Variants in PCDHA1 observed in about 807,000 individuals in gnomAD.
The protein encoded by PCDHA1 is protocadherin alpha 1, also known as protocadherin alpha-1.
Under a neutral mutation model 61.3 loss-of-function variants are expected in PCDHA1, and 42 were observed. The ratio of observed to expected loss-of-function variants is 0.69; its 90% CI spans 0.54 to 0.89. The LOEUF is 0.89. PCDHA1 is among the 40% of genes least tolerant of loss of function. The pLI, the probability that PCDHA1 is intolerant of heterozygous loss-of-function variation, is 0.00. For missense variants in PCDHA1, 1,256 were observed against 1,235.3 expected (o/e 1.02, Z -0.25); for synonymous variants, 610 against 553.8 (o/e 1.10, Z -1.43).
rs1554228572 is a variant in PCDHA1 at position 140,966,716 on chromosome 5, G to A, written c.2395-12233G>A. On this transcript the variant is annotated intron_variant, in intron 1 of 3. Transcript: ENST00000504120. Reference sequence around the variant, plus strand: ...GGCCCGGGCGTGGGGCACGGCTGGGGAAGCTGCCGCCTCCGGCCCTGCCCG... The same window carrying A: ...GGCCCGGGCGTGGGGCACGGCTGGGAAAGCTGCCGCCTCCGGCCCTGCCCG... The A allele has an allele frequency of 2.3e-5, 32 of 1,394,682 alleles. No homozygotes were observed. The South Asian group carries it at 5.0e-4, about 22-fold the overall frequency. The allele number at this position is 1,394,682 out of a possible 1,614,324, so 86.4% of individuals were successfully genotyped here. A position where few individuals can be genotyped will look rare whatever the true frequency, so the allele number is the denominator to read the frequency against.
intron 1 of PCDHA1, among the ~76,000 whole-genome samples, chr5:140,972,686 AT>A (rs2096549556): frequency 8.3e-6 from 1 of 120,944 alleles, no homozygotes; most frequent in African/African-American, 3.2e-5. Context: ...TTTTTTTGAG[AT>A]GGAGTCTCAC....
chr5:140,909,442 A>T (rs1345461412), intron 1 of PCDHA1, among the ~76,000 whole-genome samples: 11 of 152,234 alleles, frequency 7.2e-5, no homozygotes, highest in African/African-American at 2.7e-4. Context: ...ATCCACTGTC[A>T]TTCTCCAAGA....
chr5:140,994,052 C>T (rs2097593082), intron 3 of PCDHA1, among the ~76,000 whole-genome samples: 1 of 152,134 alleles, frequency 6.6e-6, no homozygotes, highest in African/African-American at 2.4e-5. Context: ...CAGTCCTGCC[C>T]TTATAAATCT....
intron 1 of PCDHA1, chr5:140,927,351 G>A (rs782202644): frequency 1.4e-5 from 23 of 1,614,054 alleles, no homozygotes; most frequent in Non-Finnish European, 1.9e-5. Flanking sequence ...ATGACGACGA[G>A]GGAAGCAATG....
At chr5:140,882,332 G>T (rs782439110) in intron 1 of PCDHA1, 20 of 1,614,060 alleles carry the variant, frequency 1.2e-5, no homozygotes, top group Non-Finnish European at 1.7e-5. Flanking sequence ...TCTGATCCTC[G>T]CAGCCTGGGA....
In PCDHA1 at chr5:140,829,836, C is replaced by T. The variant is rs2150175782; in HGVS notation, c.2394+41152C>T. ...GGTGGTGCAGTGAGCGAGCTGGTGC[C>T]GCGGTCACTGGGTGCAGGCCAAGTG... On this transcript the variant is annotated intron_variant, in intron 1 of 3. Coordinates refer to ENST00000504120, the MANE Select transcript of PCDHA1 (RefSeq NM_018900.4). The T allele has an allele frequency of 1.7e-5, 27 of 1,613,772 alleles. No homozygotes were observed. Among genetic ancestry groups the T allele is most frequent in the Non-Finnish European group, 2.3e-5 (27 of 1,179,892 alleles).
chr5:140,971,919 C>G (rs529852735), intron 1 of PCDHA1, among the ~76,000 whole-genome samples: 1 of 152,162 alleles, frequency 6.6e-6, no homozygotes, highest in South Asian at 2.1e-4. Context: ...AGCCACACTG[C>G]TAGTGTTATT....
chr5:140,830,617 T>C, intron 1 of PCDHA1: 1 of 601,712 alleles, frequency 1.7e-6, no homozygotes, highest in Non-Finnish European at 2.5e-6. Context: ...CATTTTATTG[T>C]GTTTCTTATT....
intron 1 of PCDHA1, chr5:140,843,204 C>A (rs199959178): frequency 6.3e-7 from 1 of 1,596,052 alleles, no homozygotes; most frequent in South Asian, 1.1e-5. Flanking sequence ...GGGCTGTACA[C>A]GGGCGAGATC....
intron 1 of PCDHA1, among the ~76,000 whole-genome samples, chr5:140,920,362 T>C (rs1167382464): frequency 6.6e-6 from 1 of 152,238 alleles, no homozygotes; most frequent in African/African-American, 2.4e-5. Context: ...GTTCTATTCA[T>C]TTATTCTTGT....
intron 1 of PCDHA1, chr5:140,801,243 C>G (rs782420859): frequency 4.5e-5 from 72 of 1,613,236 alleles, no homozygotes; most frequent in Non-Finnish European, 6.0e-5. Context: ...GTGCCTGCTG[C>G]TTTCTCTTCT....
chr5:140,885,592 G>A (rs1428219345), intron 1 of PCDHA1, among the ~76,000 whole-genome samples: 1 of 152,102 alleles, frequency 6.6e-6, no homozygotes, highest in Non-Finnish European at 1.5e-5. Context: ...ATGCATCAAA[G>A]ATATTAATAA....
intron 3 of PCDHA1, 32 bp downstream of exon 3, chr5:140,982,595 G>A (rs1554244629): frequency 6.2e-7 from 1 of 1,609,520 alleles, no homozygotes; most frequent in Non-Finnish European, 8.5e-7. Flanking sequence ...ATTCTTTCTT[G>A]GTTTCTGGAA....
intron 1 of PCDHA1, chr5:140,808,781 C>T: frequency 6.2e-7 from 1 of 1,612,564 alleles, no homozygotes; most frequent in Non-Finnish European, 8.5e-7. Context: ...AGAGCTGCTG[C>T]AGTTTCAGGT....
intron 1 of PCDHA1, among the ~76,000 whole-genome samples, chr5:140,893,701 C>A (rs1297465606): frequency 6.6e-6 from 1 of 152,104 alleles, no homozygotes; most frequent in African/African-American, 2.4e-5. Context: ...TCTATCCTAG[C>A]CTGTAAAGCT....
chr5:140,871,113 G>C, intron 1 of PCDHA1: 1 of 1,613,306 alleles, frequency 6.2e-7, no homozygotes. Flanking sequence ...CGTTGGTGGA[G>C]AGCGGACAGG....
chr5:140,813,608 T>C (rs1316061807), intron 1 of PCDHA1: 2 of 152,208 alleles, frequency 1.3e-5, no homozygotes, highest in African/African-American at 4.8e-5. Context: ...AATGAGTGAA[T>C]GGTGAGTGAA....
At chr5:141,006,689 G>C (rs1249412460) in intron 3 of PCDHA1, among the ~76,000 whole-genome samples, 3 of 152,072 alleles carry the variant, frequency 2.0e-5, no homozygotes, top group African/African-American at 7.2e-5. Flanking sequence ...TGGGAGAAGA[G>C]GACAGAGTCA....
chr5:140,934,625 A>G (rs1554210030), intron 1 of PCDHA1, among the ~76,000 whole-genome samples: 1 of 152,116 alleles, frequency 6.6e-6, no homozygotes, highest in Non-Finnish European at 1.5e-5. Context: ...GGTACAGTTC[A>G]CACAGGAAAG....
Sources: allele counts gnomAD v4.1 joint callset (sites outside exome capture counted in the v4.1 genomes callset), GRCh38; gene constraint gnomAD v4.1.1; transcripts MANE v1.5; gene names NCBI Gene and HGNC (gene_info 2026-07-23, HGNC 2026-07-21).